TRIM24: variants seen among roughly 807,000 people sequenced by gnomAD.
TRIM24 encodes transcription intermediary factor 1-alpha.
Under a neutral mutation model 123.9 loss-of-function variants are expected in TRIM24, and 29 were observed. The ratio of observed to expected loss-of-function variants is 0.23; its 90% CI spans 0.17 to 0.32. The LOEUF (loss-of-function observed/expected upper bound fraction) is 0.32, where lower values mean the gene tolerates loss of function less well. Among genes scored for constraint, TRIM24 ranks in the 10% least tolerant of loss-of-function variants. TRIM24 has a pLI of 1.00. For missense variants in TRIM24, 932 were observed against 1,295.3 expected, an observed-to-expected ratio of 0.72 and a Z score of 4.31; for synonymous variants, 456 against 461.1, an observed-to-expected ratio of 0.99 and a Z score of 0.14.
chr7:138,527,709 G>A (rs781496427), intron 5 of TRIM24, among the ~76,000 whole-genome samples: 2 of 152,176 alleles, frequency 1.3e-5, no homozygotes, highest in Non-Finnish European at 2.9e-5. Context: ...ACAAAGTTTG[G>A]TGGATGCTCT....
chr7:138,579,079 A>C (rs1354467088), intron 14 of TRIM24, 125 bp from the exon 15 acceptor site: 1 of 700,456 alleles, frequency 1.4e-6, no homozygotes, highest in East Asian at 2.7e-5. Context: ...ATAAACATAT[A>C]CCCTTCTCCT....
intron 1 of TRIM24, among the ~76,000 whole-genome samples, chr7:138,477,173 A>T (rs966636578): frequency 6.6e-6 from 1 of 152,088 alleles, no homozygotes; most frequent in African/African-American, 2.4e-5. Flanking sequence ...TAAACAACGG[A>T]GGCCAGGCAT....
chr7:138,497,641 C>T (rs1257532866), intron 1 of TRIM24, among the ~76,000 whole-genome samples: 5 of 151,346 alleles, frequency 3.3e-5, no homozygotes, highest in Admixed American at 1.3e-4. Context: ...GTGATCCGTC[C>T]GCCTCGGTCT....
At chr7:138,495,185 G>A (rs571066093) in intron 1 of TRIM24, among the ~76,000 whole-genome samples, 3 of 152,290 alleles carry the variant, frequency 2.0e-5, no homozygotes, top group African/African-American at 7.2e-5. Flanking sequence ...GAGTGATAAA[G>A]ATGGAAGAGA....
chr7:138,532,888 T>C (rs1008218147), intron 6 of TRIM24, among the ~76,000 whole-genome samples: 1 of 152,218 alleles, frequency 6.6e-6, no homozygotes, highest in African/African-American at 2.4e-5. Flanking sequence ...TTTTATTTTG[T>C]TGAGCAGTGG....
At chr7:138,488,575 A>G (rs1041847304) in intron 1 of TRIM24, among the ~76,000 whole-genome samples, 23 of 152,202 alleles carry the variant, frequency 1.5e-4, no homozygotes, top group Non-Finnish European at 2.8e-4. Context: ...TTCAAAGAAC[A>G]TCTTTATTTC....
At chr7:138,489,727 G>A (rs572039059) in intron 1 of TRIM24, among the ~76,000 whole-genome samples, 1 of 152,300 alleles carries the variant, frequency 6.6e-6, no homozygotes, top group East Asian at 1.9e-4. Context: ...CTGTTAGTCT[G>A]ATGGGCTTCC....
At chr7:138,509,698 T>A in intron 2 of TRIM24, among the ~76,000 whole-genome samples, 1 of 71,198 alleles carries the variant, frequency 1.4e-5, no homozygotes, top group South Asian at 5.4e-4. Flanking sequence ...TGAGACTCTG[T>A]CTCAAAAAAA....
intron 2 of TRIM24, among the ~76,000 whole-genome samples, chr7:138,507,715 A>G (rs1222411785): frequency 6.6e-6 from 1 of 152,202 alleles, no homozygotes; most frequent in Non-Finnish European, 1.5e-5. Context: ...TAAAAGGACC[A>G]GCCTGGGCAA....
chr7:138,490,109 A>C (rs62487617), intron 1 of TRIM24, among the ~76,000 whole-genome samples: 2,354 of 152,110 alleles, frequency 0.015, 38 homozygotes, highest in Non-Finnish European at 0.025. Context: ...TTTGATCTTC[A>C]ATCACTGATA....
chr7:138,508,710 T>TGTGTGTGTGTGCGTGC (rs1554436698), intron 2 of TRIM24, among the ~76,000 whole-genome samples: 1 of 96,238 alleles, frequency 1.0e-5, no homozygotes, highest in Non-Finnish European at 2.3e-5. Flanking sequence ...CGTGTGTGCG[T>TGTGTGTGTGTGCGTGC]GTGTGTGTGC....
intron 17 of TRIM24, 148 bp downstream of exon 17, chr7:138,581,919 A>G (rs893447503): frequency 1.1e-5 from 6 of 555,306 alleles, no homozygotes; most frequent in East Asian, 3.0e-5. Flanking sequence ...CTTTGATCCT[A>G]TGTAGGTACA....
intron 2 of TRIM24, among the ~76,000 whole-genome samples, chr7:138,510,485 G>A (rs1321255585): frequency 1.3e-5 from 2 of 151,954 alleles, no homozygotes; most frequent in East Asian, 1.9e-4. Context: ...GCAGTGGCGC[G>A]ATCTTGGCTC....
chr7:138,575,606 ACTT>A (rs1333524266), intron 12 of TRIM24, among the ~76,000 whole-genome samples: 2 of 152,056 alleles, frequency 1.3e-5, no homozygotes, highest in East Asian at 3.9e-4. Context: ...ACCTTTTAGA[ACTT>A]CTGTCAATTC....
intron 5 of TRIM24, among the ~76,000 whole-genome samples, chr7:138,528,285 T>C (rs570239725): frequency 1.3e-5 from 2 of 152,350 alleles, no homozygotes; most frequent in African/African-American, 2.4e-5. Flanking sequence ...CTCATAAGTT[T>C]ACTCATACCA....
chr7:138,484,136 T>A (rs1795594076), intron 1 of TRIM24, among the ~76,000 whole-genome samples: 1 of 151,100 alleles, frequency 6.6e-6, no homozygotes, highest in South Asian at 2.1e-4. Context: ...TGAGACGGAG[T>A]TTCGCTCTTG....
intron 2 of TRIM24, among the ~76,000 whole-genome samples, chr7:138,510,228 A>T (rs1166193035): frequency 6.6e-6 from 1 of 152,244 alleles, no homozygotes; most frequent in Non-Finnish European, 1.5e-5. Context: ...TTAGACTCGA[A>T]TGTGAAACCA....
At chr7:138,567,751 C>A in intron 10 of TRIM24, 97 bp downstream of exon 10, 1 of 1,212,152 alleles carries the variant, frequency 8.2e-7, no homozygotes, top group Non-Finnish European at 1.1e-6. Flanking sequence ...TATAAAGAGC[C>A]AAGAGCAAGC....
At chr7:138,493,485 G>A (rs1168773380) in intron 1 of TRIM24, among the ~76,000 whole-genome samples, 1 of 152,182 alleles carries the variant, frequency 6.6e-6, no homozygotes, top group Non-Finnish European at 1.5e-5. Flanking sequence ...GTATGTTACT[G>A]AAGTTTCTGT....
Sources: allele counts gnomAD v4.1 joint callset (sites outside exome capture counted in the v4.1 genomes callset), GRCh38; gene constraint gnomAD v4.1.1; transcripts MANE v1.5; gene names NCBI Gene and HGNC (gene_info 2026-07-23, HGNC 2026-07-21).